The following TAF1 variants were observed in gnomAD, a reference collection of about 807,000 sequenced individuals.
TAF1 encodes the protein TATA-box binding protein associated factor 1.
A neutral mutation model predicts 138.5 loss-of-function variants in TAF1; 2 were observed. The observed-to-expected ratio is 0.01, with a 90% CI of 0.01 to 0.05. The LOEUF is 0.05. Ranked by LOEUF, TAF1 falls within the 10% of genes least tolerant of loss-of-function variation. The pLI, the probability that TAF1 is intolerant of heterozygous loss-of-function variation, is 1.00. For missense variants in TAF1, 709 were observed against 1,478.0 expected, an observed-to-expected ratio of 0.48 and a Z score of 8.53; for synonymous variants, 437 against 503.2, an observed-to-expected ratio of 0.87 and a Z score of 1.76.
At chrX:71,375,369 ACTTAAG>A in intron 4 of TAF1, 83 bp downstream of exon 4, 1 of 1,083,834 alleles carries the variant, frequency 9.2e-7, no homozygotes, top group Non-Finnish European at 1.2e-6. Flanking sequence ...TAAGGGACAA[ACTTAAG>A]CTTATATGAA....
At chrX:71,377,572 C>T (rs1170998693) in intron 5 of TAF1, 31 bp from the exon 6 acceptor site, 1 of 1,192,762 alleles carries the variant, frequency 8.4e-7, no homozygotes, top group Admixed American at 2.3e-5. Flanking sequence ...GACTTTGAGT[C>T]TGTGTCATAG....
chrX:71,482,333 G>A, intron 13 of TAF1, among the ~76,000 whole-genome samples: 2 of 112,225 alleles, frequency 1.8e-5, no homozygotes. Context: ...TTCATATTGG[G>A]GTTGGGCATA....
chrX:71,526,444 G>T (rs2039998991), intron 13 of TAF1, among the ~76,000 whole-genome samples: 1 of 111,878 alleles, frequency 8.9e-6, no homozygotes, highest in Non-Finnish European at 1.9e-5. Context: ...ATATTGGTGG[G>T]ATAAATTTAA....
chrX:71,514,480 A>G (rs746016139), intron 13 of TAF1, among the ~76,000 whole-genome samples: 1 of 108,294 alleles, frequency 9.2e-6, no homozygotes, highest in Admixed American at 9.9e-5. Context: ...AAAAAAAAAA[A>G]AAAACCCTCA....
intron 13 of TAF1, among the ~76,000 whole-genome samples, chrX:71,525,473 A>G (rs5937091): frequency 0.24 from 26,882 of 111,036 alleles, 3,242 homozygotes; most frequent in East Asian, 0.52. Flanking sequence ...AACATCTTCT[A>G]AACAAGGCAA....
chrX:71,375,041 A>G, intron 3 of TAF1, 126 bp from the exon 4 acceptor site: 3 of 934,537 alleles, frequency 3.2e-6, no homozygotes, highest in Non-Finnish European at 4.3e-6. Flanking sequence ...GCACCGCTGC[A>G]CTCCAGCCTG....
Position 71,367,629 on chromosome X carries a change from TGGGGAGTAGGCG to T in TAF1, c.235+23_235+34del. 1.7e-6 allele frequency: 2 copies of T among 1,207,291 alleles called. No homozygotes were observed. Among genetic ancestry groups the T allele is most frequent in the South Asian group, 3.5e-5 (2 of 56,792 alleles). ...AATGATGAAGGTGAAGTCTGGGTTG[TGGGGAGTAGGCG>T]GGGGAGGAGGCTAGCCACCTACTAT... On this transcript the variant is annotated intron_variant, in intron 2 of 37. Coordinates refer to ENST00000423759, the MANE Select transcript of TAF1 (RefSeq NM_004606.5).
chrX:71,406,836 C>CAGGGCAAGGCAACTGGAGAAT, intron 26 of TAF1, 90 bp downstream of exon 26: 1 of 684,259 alleles, frequency 1.5e-6, no homozygotes, highest in Non-Finnish European at 2.2e-6. Context: ...CTTAGATTCT[C>CAGGGCAAGGCAACTGGAGAAT]CAGTTGCCTT....
At position 71,394,159 on chromosome X, in the gene TAF1, A is replaced by T; in HGVS notation, c.3320A>T (p.Asn1107Ile). 3 of 1,212,235 alleles carry T rather than the reference A, an allele frequency of 2.5e-6. No individual in the cohort carries two copies. The highest frequency in any genetic ancestry group is 2.2e-6 in the Non-Finnish European group (2 of 895,656). Reference protein sequence around the residue: ...DFEEMGKNIENMLQNKKTSSQ... With the variant: ...DFEEMGKNIEIMLQNKKTSSQ... ...GAAGAAATGGGAAAGAACATTGAGA[A>T]CATGTTGCAGAACAAGAAAACCAGC... The change falls in exon 22 of 38, where the codon AAC becomes ATC. Residue 1107 changes from asparagine (N) to isoleucine (I), a missense_variant. By Grantham distance (149) the Asn-to-Ile change is moderately radical. This residue lies in a region of TAF1 where 31 missense variants were observed against 52.2 expected (regional missense o/e 0.59). Transcript: ENST00000423759.
chrX:71,444,093 C>T (rs1308095379), intron 32 of TAF1, among the ~76,000 whole-genome samples: 1 of 110,825 alleles, frequency 9.0e-6, no homozygotes, highest in African/African-American at 3.3e-5. Context: ...CTGTAACCTT[C>T]GCCTCCCGGG....
chrX:71,458,232 G>T lies in TAF1; in HGVS notation c.4939-9G>T. 8.3e-7 allele frequency: 1 copy of T among 1,208,489 alleles called. No individual in the cohort carries two copies. The highest frequency in any genetic ancestry group is 1.1e-6 in the Non-Finnish European group (1 of 894,198). ...AGATAGAAGCTAAGTTGTATGTTTTGTGCCACAGCCTCCTGATTTGTATGA... is the reference window on the plus strand; with the variant it reads ...AGATAGAAGCTAAGTTGTATGTTTTTTGCCACAGCCTCCTGATTTGTATGA... On this transcript the variant is annotated splice_polypyrimidine_tract_variant and intron_variant, in intron 34 of 37. Coordinates refer to ENST00000423759, the MANE Select transcript of TAF1 (RefSeq NM_004606.5).
In TAF1 at chrX:71,454,851, G is replaced by A. The variant is rs368858489; in HGVS notation, c.4932G>A (p.Thr1644=). ...ACCCAATGACCCCAGGGCCCTACAC[G>A]CCTCAGGTGAGTCTGAGGACTAAGT... ...SLDPMTPGPY[T]PQPPDLYDTN... Residue 1644 remains threonine (T), a synonymous_variant, in exon 34 of 38, where the codon ACG becomes ACA. Coordinates refer to ENST00000423759, the MANE Select transcript of TAF1 (RefSeq NM_004606.5). The A allele has an allele frequency of 7.5e-6, 9 of 1,206,030 alleles. No individual in the cohort carries two copies. Among genetic ancestry groups the A allele is most frequent in the South Asian group, 1.8e-5 (1 of 56,225 alleles).
At chrX:71,502,998 C>T (rs984775555) in intron 13 of TAF1, among the ~76,000 whole-genome samples, 1 of 105,738 alleles carries the variant, frequency 9.5e-6, no homozygotes, top group Non-Finnish European at 1.9e-5. Context: ...CCAGGCCAGG[C>T]GCTGTGACAC....
chrX:71,506,386 A>AC (rs1478305037), intron 13 of TAF1, among the ~76,000 whole-genome samples: 1 of 103,942 alleles, frequency 9.6e-6, no homozygotes, highest in Non-Finnish European at 2.0e-5. Flanking sequence ...CTCATCTAAA[A>AC]AAAAAAAAAA....
At chrX:71,427,181 A>G (rs1356942377) in intron 32 of TAF1, among the ~76,000 whole-genome samples, 1 of 112,265 alleles carries the variant, frequency 8.9e-6, no homozygotes, top group African/African-American at 3.2e-5. Context: ...TCAGGGAACT[A>G]TACGTAACTA....
At position 71,420,659 on chromosome X, in the gene TAF1, A is replaced by G. The variant is rs947332774; in HGVS notation, c.4385-650A>G. The stretch of plus-strand genomic sequence containing the variant: ...GATAGCTTCCAGCTCCGGATCCTCA[A>G]TGGCGCTGTCTTCCGGGTCACCCTC... On this transcript the variant is annotated intron_variant, in intron 28 of 37. Coordinates refer to ENST00000423759, the MANE Select transcript of TAF1 (RefSeq NM_004606.5). 7.4e-5 allele frequency: 87 copies of G among 1,174,737 alleles called. No individual in the cohort carries two copies. In the Admixed American group the frequency reaches 1.8e-3, roughly 24 times the overall value.
rs1372546235 is a variant in TAF1 at position 71,383,991 on chromosome X, T to G, written c.1977T>G (p.Gly659=). ...GAGAACAAGAGAGGCAAGCTTCAGG[T>G]GGTGGAGAGATGTTTTTTATGCGCA... ...KMREQERQAS[G]GGEMFFMRTP... is the part of the protein sequence containing the mutation. Residue 659 remains glycine (G), a synonymous_variant, in exon 13 of 38, where the codon GGT becomes GGG. Coordinates refer to ENST00000423759, the MANE Select transcript of TAF1 (RefSeq NM_004606.5). 8.3e-7 allele frequency: 1 copy of G among 1,210,993 alleles called. No homozygotes were observed.
chrX:71,425,265 T>C (rs1045928985), intron 32 of TAF1, among the ~76,000 whole-genome samples: 1 of 111,492 alleles, frequency 9.0e-6, no homozygotes, highest in African/African-American at 3.3e-5. Context: ...GCTAGCTGCT[T>C]AATCTACTGA....
chrX:71,442,836 G>A (rs2037497358), intron 32 of TAF1, among the ~76,000 whole-genome samples: 1 of 111,803 alleles, frequency 8.9e-6, no homozygotes, highest in African/African-American at 3.3e-5. Context: ...ATTAATTTTT[G>A]TATAAGGTGT....
Sources: allele counts gnomAD v4.1 joint callset (sites outside exome capture counted in the v4.1 genomes callset), GRCh38; gene constraint gnomAD v4.1.1; regional missense constraint gnomAD v4.1.1; transcripts MANE v1.5; gene names NCBI Gene and HGNC (gene_info 2026-07-23, HGNC 2026-07-21).